Variants in MOSMO observed in about 807,000 individuals in gnomAD.
MOSMO encodes modulator of smoothened protein.
In MOSMO, 5 loss-of-function variants were observed where a neutral mutation model predicts 18.4. The ratio of observed to expected loss-of-function variants is 0.27; its 90% CI spans 0.14 to 0.57. The LOEUF (loss-of-function observed/expected upper bound fraction) is 0.57, where lower values mean the gene tolerates loss of function less well. MOSMO is among the 20% of genes least tolerant of loss of function. The pLI is 0.92. For missense variants in MOSMO, 138 were observed against 211.8 expected (o/e 0.65, Z 2.16); for synonymous variants, 82 against 82.3 (o/e 1.00, Z 0.02).
chr16:22,037,583 G>A (rs1395834500), intron 1 of MOSMO, among the ~76,000 whole-genome samples: 1 of 152,182 alleles, frequency 6.6e-6, no homozygotes, highest in Non-Finnish European at 1.5e-5. Flanking sequence ...TCCTAAGCCA[G>A]TTGCAAGCCT....
downstream of MOSMO, chr16:22,085,950 G>A (rs554603081): frequency 3.9e-5 from 6 of 152,172 alleles, no homozygotes; most frequent in East Asian, 1.2e-3. Flanking sequence ...TTTTTCACAA[G>A]ACTATAAAAT....
intron 1 of MOSMO, among the ~76,000 whole-genome samples, chr16:22,040,094 T>C (rs1466648762): frequency 6.6e-6 from 1 of 152,192 alleles, no homozygotes; most frequent in Non-Finnish European, 1.5e-5. Flanking sequence ...ATTGGAATGA[T>C]TTCAACATTA....
At chr16:22,079,167 G>A (rs1428154776) in intron 2 of MOSMO, among the ~76,000 whole-genome samples, 1 of 152,108 alleles carries the variant, frequency 6.6e-6, no homozygotes, top group African/African-American at 2.4e-5. Flanking sequence ...TTGTTGATTG[G>A]TTAACACACA....
rs1900455132 is a variant in MOSMO at position 22,052,946 on chromosome 16, A to G, written c.107-22541A>G. 4.0e-5 allele frequency among the ~76,000 whole-genome samples: 6 copies of G among 148,898 alleles called. No homozygotes were observed. In the South Asian group the frequency reaches 1.1e-3, roughly 26 times the overall value. ...CAAAAAGTAATAGTAATATTCTCTC[A>G]TCTTCTTTTTTTTTTTTTTTTTTTT... is the stretch of plus-strand genomic sequence containing the variant. On this transcript the variant is annotated intron_variant, in intron 1 of 2. Transcript: ENST00000542527.
chr16:22,073,843 A>T (rs943680614), intron 1 of MOSMO, among the ~76,000 whole-genome samples: 69 of 151,970 alleles, frequency 4.5e-4, no homozygotes, highest in Non-Finnish European at 1.8e-4. Flanking sequence ...TGCCTGTGAT[A>T]ACCCCATAAG....
rs1207459889 is a variant in MOSMO at position 22,045,184 on chromosome 16, C to CAA, written c.107-30290_107-30289dup. ...TGGGCAATAGAACCAGACATTGTCT[C>CAA]AAAAAAAAAAAAAAGGCAATAATGT... On this transcript the variant is annotated intron_variant, in intron 1 of 2. Coordinates refer to ENST00000542527, the MANE Select transcript of MOSMO (RefSeq NM_001164579.2). Among the ~76,000 whole-genome samples, 898 of 116,002 alleles carry CAA rather than the reference C, an allele frequency of 7.7e-3. 3 individuals are homozygous for CAA. The highest frequency in any genetic ancestry group is 0.011 in the Non-Finnish European group (620 of 55,162). The allele number at this position is 116,002 out of a possible 152,430, so 76.1% of individuals were successfully genotyped here.
chr16:22,035,396 ATT>A (rs1160059034), intron 1 of MOSMO, among the ~76,000 whole-genome samples: 40 of 133,246 alleles, frequency 3.0e-4, no homozygotes, highest in Admixed American at 3.8e-4. Flanking sequence ...GCAGGAGGGG[ATT>A]TTTTTTTTTT....
chr16:22,017,403 A>G (rs1192366716), intron 1 of MOSMO, among the ~76,000 whole-genome samples: 2 of 152,158 alleles, frequency 1.3e-5, no homozygotes, highest in East Asian at 3.9e-4. Flanking sequence ...CATGACATTC[A>G]TGTCTTTTTG....
chr16:22,088,901 A>G (rs1236281484), downstream of MOSMO, among the ~76,000 whole-genome samples: 1 of 152,258 alleles, frequency 6.6e-6, no homozygotes, highest in East Asian at 1.9e-4. Flanking sequence ...CCTTGGCTCA[A>G]ACATGAGCAG....
At chr16:22,022,196 T>TC (rs1295177858) in intron 1 of MOSMO, among the ~76,000 whole-genome samples, 2 of 151,916 alleles carry the variant, frequency 1.3e-5, no homozygotes, top group Non-Finnish European at 2.9e-5. Flanking sequence ...TTTTTTTTTT[T>TC]CCATTAAAAA....
intron 1 of MOSMO, among the ~76,000 whole-genome samples, chr16:22,047,140 T>C (rs945693424): frequency 2.0e-5 from 3 of 151,958 alleles, no homozygotes; most frequent in South Asian, 2.1e-4. Context: ...ATATATACTA[T>C]TGTGTGGTTT....
At chr16:22,024,749 T>C (rs1471584813) in intron 1 of MOSMO, among the ~76,000 whole-genome samples, 1 of 152,188 alleles carries the variant, frequency 6.6e-6, no homozygotes, top group African/African-American at 2.4e-5. Flanking sequence ...GGTTTAAGTT[T>C]TATGGCTCCT....
intron 1 of MOSMO, among the ~76,000 whole-genome samples, chr16:22,022,718 A>G (rs1167318803): frequency 6.6e-6 from 1 of 152,090 alleles, no homozygotes; most frequent in Non-Finnish European, 1.5e-5. Context: ...CCGATATGGT[A>G]GTATTAGGCA....
At chr16:22,049,021 G>A (rs1900371265) in intron 1 of MOSMO, among the ~76,000 whole-genome samples, 1 of 152,088 alleles carries the variant, frequency 6.6e-6, no homozygotes, top group Non-Finnish European at 1.5e-5. Context: ...TATACTGGGT[G>A]GGAGGATATT....
At chr16:22,017,029 A>G (rs925440805) in intron 1 of MOSMO, among the ~76,000 whole-genome samples, 1 of 152,230 alleles carries the variant, frequency 6.6e-6, no homozygotes, top group Non-Finnish European at 1.5e-5. Flanking sequence ...CTGGCAAGCG[A>G]TATAGCTGAA....
intron 1 of MOSMO, among the ~76,000 whole-genome samples, chr16:22,022,816 A>G (rs1340470023): frequency 6.6e-6 from 1 of 152,208 alleles, no homozygotes; most frequent in Non-Finnish European, 1.5e-5. Context: ...TTTGCAACCT[A>G]GAAGACCCTC....
intron 1 of MOSMO, among the ~76,000 whole-genome samples, chr16:22,074,673 G>C (rs1388688367): frequency 6.6e-6 from 1 of 152,160 alleles, no homozygotes; most frequent in Admixed American, 6.5e-5. Flanking sequence ...CCTTGGGTTT[G>C]ACATGAGAAC....
chr16:22,091,997 G>C (rs1490281611), downstream of MOSMO, among the ~76,000 whole-genome samples: 1 of 152,164 alleles, frequency 6.6e-6, no homozygotes, highest in Admixed American at 6.5e-5. Context: ...TGTTTTCCTA[G>C]CAAACAATCC....
intron 1 of MOSMO, among the ~76,000 whole-genome samples, chr16:22,032,439 G>A (rs1404640231): frequency 2.0e-5 from 3 of 152,026 alleles, no homozygotes; most frequent in Non-Finnish European, 2.9e-5. Flanking sequence ...TGATCCACTC[G>A]CCTTGGCCTC....
Sources: allele counts gnomAD v4.1 joint callset (sites outside exome capture counted in the v4.1 genomes callset), GRCh38; gene constraint gnomAD v4.1.1; transcripts MANE v1.5; gene names NCBI Gene and HGNC (gene_info 2026-07-23, HGNC 2026-07-21).